Variants in ARHGAP40 observed in about 807,000 individuals in gnomAD.
ARHGAP40 encodes Rho GTPase activating protein 40.
Under a neutral mutation model 73.5 loss-of-function variants are expected in ARHGAP40, and 43 were observed. The observed-to-expected ratio is 0.58, with a 90% CI of 0.46 to 0.75. The LOEUF (loss-of-function observed/expected upper bound fraction) is 0.75. Ranked by LOEUF, ARHGAP40 falls within the 30% of genes least tolerant of loss-of-function variation. ARHGAP40 has a pLI of 0.00. For missense variants in ARHGAP40, 734 were observed against 861.8 expected, an observed-to-expected ratio of 0.85 and a Z score of 1.86; for synonymous variants, 300 against 352.8, an observed-to-expected ratio of 0.85 and a Z score of 1.68.
At chr20:38,606,204 A>G (rs114324487) in intron 1 of ARHGAP40, among the ~76,000 whole-genome samples, 4,167 of 152,204 alleles carry the variant, frequency 0.027, 180 homozygotes, top group African/African-American at 0.096. Context: ...TCATTTTATG[A>G]CTGGACAGTA....
chr20:38,635,671 T>C (rs1351438574), intron 6 of ARHGAP40, among the ~76,000 whole-genome samples: 1 of 151,998 alleles, frequency 6.6e-6, no homozygotes, highest in African/African-American at 2.4e-5. Context: ...TCATTCTATA[T>C]ATATAGAACT....
At chr20:38,623,384 G>A (rs1403294813) in exon 2 of ARHGAP40, 3 of 1,290,590 alleles carry the variant, frequency 2.3e-6, no homozygotes, top group African/African-American at 3.0e-5. Flanking sequence ...AGGCCGAATG[G>A]ATCAGCTTCC....
intron 1 of ARHGAP40, among the ~76,000 whole-genome samples, chr20:38,620,494 T>G (rs1043599123): frequency 6.6e-6 from 1 of 152,208 alleles, no homozygotes; most frequent in East Asian, 1.9e-4. Flanking sequence ...CAATTTTGCT[T>G]GGGTTTAGTC....
At chr20:38,647,493 C>T (rs1217850899) in intron 13 of ARHGAP40, among the ~76,000 whole-genome samples, 2 of 152,116 alleles carry the variant, frequency 1.3e-5, no homozygotes, top group Admixed American at 6.5e-5. Flanking sequence ...CAGGTTCAAG[C>T]GATTTTCCTG....
At chr20:38,609,914 T>G (rs1250952912) in intron 1 of ARHGAP40, among the ~76,000 whole-genome samples, 1 of 152,206 alleles carries the variant, frequency 6.6e-6, no homozygotes, top group African/African-American at 2.4e-5. Flanking sequence ...ATCTGGCTCT[T>G]AAGCCCTTGA....
chr20:38,643,577 C>A, intron 10 of ARHGAP40, 127 bp from the exon 11 acceptor site: 1 of 696,350 alleles, frequency 1.4e-6, no homozygotes, highest in Non-Finnish European at 2.1e-6. Flanking sequence ...GGGAGCCCCT[C>A]TTGCTGCCCT....
In ARHGAP40 at chr20:38,640,145, T is replaced by C. The variant is rs1237228697; in HGVS notation, c.1279+759T>C. Among the ~76,000 whole-genome samples the C allele has an allele frequency of 6.3e-3, 345 of 54,908 alleles. 2 individuals are homozygous for C. The highest frequency in any genetic ancestry group is 0.013 in the African/African-American group (331 of 24,986). 36.0% of individuals were successfully genotyped at this position (54,908 alleles called of 152,430 possible). A position where few individuals can be genotyped will look rare whatever the true frequency, so the allele number is the denominator to read the frequency against. ...TCTTCCTCTTCTTTCTTCTTCTTTCTTCTTCCTCTTCTTTCTTCTTTCTTC... is the reference window on the plus strand; with the variant it reads ...TCTTCCTCTTCTTTCTTCTTCTTTCCTCTTCCTCTTCTTTCTTCTTTCTTC... On this transcript the variant is annotated intron_variant, in intron 9 of 14. Coordinates refer to ENST00000373345, the Ensembl canonical transcript of ARHGAP40.
At chr20:38,629,914 A>G (rs2145605992) in intron 5 of ARHGAP40, among the ~76,000 whole-genome samples, 1 of 152,176 alleles carries the variant, frequency 6.6e-6, no homozygotes, top group East Asian at 1.9e-4. Context: ...CTCCTCCAGC[A>G]AGCTCATAAC....
At chr20:38,626,911 G>T in intron 2 of ARHGAP40, 84 bp from the exon 3 acceptor site, 1 of 1,099,902 alleles carries the variant, frequency 9.1e-7, no homozygotes, top group Middle Eastern at 3.9e-4. Context: ...AGGTGAGTGT[G>T]TGCTTCTATG....
exon 1 of ARHGAP40, chr20:38,601,960 C>T: frequency 7.8e-7 from 1 of 1,288,046 alleles, no homozygotes; most frequent in South Asian, 1.2e-5. Context: ...AGCCTGCCCT[C>T]CTCCCCGCCG....
At chr20:38,648,261 T>C (rs1323780344) in intron 13 of ARHGAP40, among the ~76,000 whole-genome samples, 3 of 152,382 alleles carry the variant, frequency 2.0e-5, no homozygotes, top group South Asian at 2.1e-4. Flanking sequence ...CATTATCATA[T>C]GTAATCATAC....
At chr20:38,625,935 T>C (rs959215468) in intron 2 of ARHGAP40, among the ~76,000 whole-genome samples, 2 of 152,176 alleles carry the variant, frequency 1.3e-5, no homozygotes, top group African/African-American at 4.8e-5. Flanking sequence ...TAGATACAGA[T>C]AAAAATTATA....
At chr20:38,627,386 TGG>T (rs1357019442) in intron 3 of ARHGAP40, among the ~76,000 whole-genome samples, 171 bp downstream of exon 3, 4 of 122,704 alleles carry the variant, frequency 3.3e-5, no homozygotes, top group South Asian at 2.6e-4. Context: ...GTGTGTGTGT[TGG>T]GGTGTGTGTG....
intron 1 of ARHGAP40, among the ~76,000 whole-genome samples, chr20:38,614,589 G>C (rs1304535728): frequency 6.6e-6 from 1 of 152,188 alleles, no homozygotes; most frequent in Non-Finnish European, 1.5e-5. Flanking sequence ...ACTTACCCAA[G>C]GTGACGGTTT....
At chr20:38,645,153 T>A (rs1019339177) in intron 11 of ARHGAP40, among the ~76,000 whole-genome samples, 18 of 151,950 alleles carry the variant, frequency 1.2e-4, no homozygotes, top group Non-Finnish European at 2.2e-4. Flanking sequence ...CCTTCCCTTT[T>A]TTTTTTTTCT....
exon 15 of ARHGAP40, chr20:38,650,597 G>A: frequency 2.1e-6 from 1 of 470,252 alleles, no homozygotes; most frequent in Non-Finnish European, 4.4e-6. Flanking sequence ...TTTGTAATAT[G>A]ATATAATATG....
intron 1 of ARHGAP40, among the ~76,000 whole-genome samples, chr20:38,607,941 T>C (rs1025808904): frequency 2.0e-5 from 3 of 152,230 alleles, no homozygotes; most frequent in Non-Finnish European, 4.4e-5. Context: ...GGGTATTTTT[T>C]TTCTTGTTGC....
chr20:38,603,197 G>A (rs933041744), intron 1 of ARHGAP40, among the ~76,000 whole-genome samples: 13 of 152,290 alleles, frequency 8.5e-5, no homozygotes, highest in East Asian at 7.7e-4. Context: ...GATCCTGATC[G>A]TAGGACAACT....
At chr20:38,641,680 A>G in intron 9 of ARHGAP40, 46 bp from the exon 10 acceptor site, 1 of 1,250,892 alleles carries the variant, frequency 8.0e-7, no homozygotes, top group Non-Finnish European at 1.0e-6. Context: ...TGAGGGAGGG[A>G]GTCCCTGAGC....
Sources: allele counts gnomAD v4.1 joint callset (sites outside exome capture counted in the v4.1 genomes callset), GRCh38; gene constraint gnomAD v4.1.1; transcripts MANE v1.5; gene names NCBI Gene and HGNC (gene_info 2026-07-23, HGNC 2026-07-21).